TBC1D19: variants seen among roughly 807,000 people sequenced by gnomAD.
TBC1D19 encodes TBC1 domain family, member 19.
TBC1D19 carries 60 observed loss-of-function variants against 89.0 expected under a neutral mutation model. The ratio of observed to expected loss-of-function variants is 0.67; its 90% CI spans 0.55 to 0.84. The LOEUF (loss-of-function observed/expected upper bound fraction) is 0.84, where lower values mean the gene tolerates loss of function less well. Among genes scored for constraint, TBC1D19 ranks in the 40% least tolerant of loss-of-function variants. The pLI is 0.00. For missense variants in TBC1D19, 500 were observed against 610.8 expected (o/e 0.82, Z 1.91); for synonymous variants, 189 against 199.7 (o/e 0.95, Z 0.45).
chr4:26,667,861 G>A (rs752936744), intron 9 of TBC1D19, among the ~76,000 whole-genome samples: 6 of 151,964 alleles, frequency 3.9e-5, no homozygotes, highest in Admixed American at 1.3e-4. Context: ...TGTGAGAGTC[G>A]TAGTTTTGTT....
At chr4:26,815,649 T>C in the TBC1D19 span, among the ~76,000 whole-genome samples, 2 of 152,204 alleles carry the variant, frequency 1.3e-5, no homozygotes, top group Non-Finnish European at 2.9e-5. Flanking sequence ...GTACAAAATA[T>C]GTACTAGAAA....
At chr4:26,835,761 T>C in the TBC1D19 span, among the ~76,000 whole-genome samples, 1 of 152,216 alleles carries the variant, frequency 6.6e-6, no homozygotes, top group African/African-American at 2.4e-5. Context: ...AATGAAAACC[T>C]GATCATGTCA....
the TBC1D19 span, among the ~76,000 whole-genome samples, chr4:26,774,445 T>G: frequency 2.6e-5 from 4 of 152,212 alleles, no homozygotes; most frequent in Non-Finnish European, 4.4e-5. Context: ...TCTCTCTATT[T>G]AAATCTTTTT....
the TBC1D19 span, among the ~76,000 whole-genome samples, chr4:26,851,304 CCTATCTATCTATCTATCTATCTAT>C: frequency 5.4e-5 from 8 of 147,082 alleles, no homozygotes; most frequent in East Asian, 8.1e-4. Flanking sequence ...TAATAAATAC[CCTATCTATCTATCTATCTATCTAT>C]CTATCTATCT....
chr4:26,696,656 G>T (rs952633774), intron 13 of TBC1D19, among the ~76,000 whole-genome samples: 1 of 152,146 alleles, frequency 6.6e-6, no homozygotes. Flanking sequence ...ATAACAAACT[G>T]TCTCTCAGAC....
At chr4:26,829,005 CA>C in the TBC1D19 span, among the ~76,000 whole-genome samples, 1 of 152,190 alleles carries the variant, frequency 6.6e-6, no homozygotes, top group Non-Finnish European at 1.5e-5. Flanking sequence ...CAACTTTTAT[CA>C]AACCAATTAT....
chr4:26,849,201 AACACAC>A, the TBC1D19 span, among the ~76,000 whole-genome samples: 60,529 of 149,154 alleles, frequency 0.41, 12,979 homozygotes, highest in Middle Eastern at 0.63. Flanking sequence ...CACACACACA[AACACAC>A]ACACACACAC....
chr4:26,675,676 G>A (rs1162125416), intron 11 of TBC1D19, among the ~76,000 whole-genome samples: 1 of 151,288 alleles, frequency 6.6e-6, no homozygotes, highest in Non-Finnish European at 1.5e-5. Flanking sequence ...CTTCTTATTA[G>A]GAATACCTTA....
At chr4:26,692,802 A>G (rs1714416850) in intron 13 of TBC1D19, among the ~76,000 whole-genome samples, 1 of 152,228 alleles carries the variant, frequency 6.6e-6, no homozygotes, top group Non-Finnish European at 1.5e-5. Context: ...ATGACCTCAC[A>G]AAGGACCATA....
the TBC1D19 span, among the ~76,000 whole-genome samples, chr4:26,821,434 T>G: frequency 6.6e-6 from 1 of 152,224 alleles, no homozygotes; most frequent in Non-Finnish European, 1.5e-5. Context: ...GTTGATCACA[T>G]AAGTGTAATT....
the TBC1D19 span, among the ~76,000 whole-genome samples, chr4:26,809,636 G>C: frequency 6.6e-6 from 1 of 152,180 alleles, no homozygotes; most frequent in Non-Finnish European, 1.5e-5. Flanking sequence ...AGGGTGCACT[G>C]ATGAGCAGGT....
chr4:26,727,967 C>CTA (rs1413916012), intron 15 of TBC1D19, among the ~76,000 whole-genome samples: 1 of 152,106 alleles, frequency 6.6e-6, no homozygotes, highest in East Asian at 1.9e-4. Context: ...TAAAGAGAAG[C>CTA]TATAGATTTC....
chr4:26,750,490 A>G (rs1002377857), intron 19 of TBC1D19, among the ~76,000 whole-genome samples: 1 of 152,216 alleles, frequency 6.6e-6, no homozygotes, highest in African/African-American at 2.4e-5. Context: ...GAAAACCTCC[A>G]AGCCCTCTTT....
intron 1 of TBC1D19, among the ~76,000 whole-genome samples, chr4:26,597,678 AAT>A (rs554739092): frequency 1.9e-3 from 292 of 151,834 alleles, no homozygotes; most frequent in African/African-American, 6.7e-3. Flanking sequence ...TATTTTTTTA[AAT>A]AGTCTTTTAA....
intron 15 of TBC1D19, among the ~76,000 whole-genome samples, chr4:26,728,289 T>A (rs534516598): frequency 6.6e-6 from 1 of 152,328 alleles, no homozygotes; most frequent in Middle Eastern, 3.4e-3. Flanking sequence ...ATAATAGCAA[T>A]CTGCTTTGAG....
intron 9 of TBC1D19, among the ~76,000 whole-genome samples, chr4:26,668,041 A>G (rs963526262): frequency 1.3e-5 from 2 of 151,992 alleles, no homozygotes; most frequent in Admixed American, 1.3e-4. Context: ...TCCAGGTCAC[A>G]AAACTAGTAA....
intron 7 of TBC1D19, among the ~76,000 whole-genome samples, chr4:26,655,977 G>T (rs963334911): frequency 6.6e-6 from 1 of 152,116 alleles, no homozygotes; most frequent in East Asian, 1.9e-4. Context: ...GCTGGGAGCT[G>T]TAGACTGGAG....
chr4:26,848,103 G>T, the TBC1D19 span, among the ~76,000 whole-genome samples: 1 of 152,208 alleles, frequency 6.6e-6, no homozygotes, highest in Non-Finnish European at 1.5e-5. Flanking sequence ...GGGCCACAAG[G>T]TGCCCAGATA....
intron 18 of TBC1D19, among the ~76,000 whole-genome samples, chr4:26,745,208 A>G (rs7674362): frequency 0.07 from 10,615 of 151,962 alleles, 1,279 homozygotes; most frequent in African/African-American, 0.24. Context: ...GATTATCAAT[A>G]TCTTTTTTTA....
Sources: gnomAD v4.1 joint callset for allele counts (sites outside exome capture counted in the v4.1 genomes callset) on GRCh38, gnomAD v4.1.1 for gene constraint, MANE v1.5 for transcripts, NCBI Gene and HGNC (gene_info 2026-07-23, HGNC 2026-07-21) for gene names.